Variants in ACAN observed in about 807,000 individuals in gnomAD.
ACAN encodes aggrecan core protein.
A neutral mutation model predicts 169.1 loss-of-function variants in ACAN; 47 were observed. The ratio of observed to expected loss-of-function variants is 0.28; its 90% CI spans 0.22 to 0.35. The LOEUF (loss-of-function observed/expected upper bound fraction) is 0.35. ACAN is among the 10% of genes least tolerant of loss of function. The pLI, the probability that ACAN is intolerant of heterozygous loss-of-function variation, is 1.00. For synonymous variants in ACAN, 1,115 were observed against 1,112.2 expected, an observed-to-expected ratio of 1.00 and a Z score of -0.05; for missense variants, 2,716 against 2,759.9, an observed-to-expected ratio of 0.98 and a Z score of 0.36.
chr15:88,874,186 A>C lies in ACAN; in HGVS notation c.7630+162A>C. On this transcript the variant is annotated intron_variant, in intron 18 of 18. Coordinates refer to ENST00000560601, the MANE Select transcript of ACAN (RefSeq NM_001369268.1). This position sits in a 1 kb window ranked among gnomAD's most constrained non-coding sequence, Gnocchi z 7.3. Reference sequence around the variant, plus strand: ...TCACAAATAGCTGACCACTGCCCTTAGAAGGGCCACGTACTTGTCCCAGGA... The same window carrying C: ...TCACAAATAGCTGACCACTGCCCTTCGAAGGGCCACGTACTTGTCCCAGGA... 1 of 1,081,790 alleles carries C rather than the reference A, an allele frequency of 9.2e-7. No individual in the cohort carries two copies. The highest frequency in any genetic ancestry group is 1.4e-6 in the Non-Finnish European group (1 of 733,634). The allele number at this position is 1,081,790 out of a possible 1,614,324, so 67.0% of individuals were successfully genotyped here. A position where few individuals can be genotyped will look rare whatever the true frequency, so the allele number is the denominator to read the frequency against.
intron 6 of ACAN, 129 bp from the exon 7 acceptor site, chr15:88,845,376 G>A: frequency 7.3e-7 from 1 of 1,369,636 alleles, no homozygotes; most frequent in Non-Finnish European, 9.7e-7. Flanking sequence ...AAGGTGCCTG[G>A]CACACAGTGG....
At position 88,851,372 on chromosome 15, in the gene ACAN, C is replaced by CTGGT; in HGVS notation, c.2027-422_2027-421insTGGT. Reference sequence around the variant, plus strand: ...TAGTTGAGAGCGTGGAGTCTGGTACCAGATGCTTAAATTCAAAGACTAGAT... The same window carrying CTGGT: ...TAGTTGAGAGCGTGGAGTCTGGTACCTGGTAGATGCTTAAATTCAAAGACTAGAT... On this transcript the variant is annotated intron_variant, in intron 10 of 18. Transcript: ENST00000560601. This position sits in a 1 kb window ranked among gnomAD's most constrained non-coding sequence, Gnocchi z 4.3. The CTGGT allele has an allele frequency of 6.1e-6, 1 of 162,668 alleles. No individual in the cohort carries two copies. Among genetic ancestry groups the CTGGT allele is most frequent in the Non-Finnish European group, 1.3e-5 (1 of 74,774 alleles). 10.1% of individuals were successfully genotyped at this position (162,668 alleles called of 1,614,324 possible).
At chr15:88,822,300 C>T (rs1046802604) in intron 1 of ACAN, among the ~76,000 whole-genome samples, 16 of 152,198 alleles carry the variant, frequency 1.1e-4, no homozygotes, top group Non-Finnish European at 1.9e-4. Flanking sequence ...GTCAAGGGCC[C>T]AACCTTTCTT....
intron 13 of ACAN, among the ~76,000 whole-genome samples, chr15:88,864,933 C>T (rs1897257462): frequency 6.6e-6 from 1 of 152,212 alleles, no homozygotes; most frequent in South Asian, 2.1e-4. Context: ...GCTCTTCGTT[C>T]AGCATTTTTT....
rs1188739281 is a variant in ACAN at position 88,851,898 on chromosome 15, G to A, written c.2131G>A (p.Ala711Thr). ...IVTQVVPGVA[A>T]VPVEEETTAV... is the part of the protein sequence containing the mutation. ...GACCCAAGTGGTTCCTGGTGTGGCTGCTGTCCCCGTAGAAGAGGAGACAAC... is the reference window on the plus strand; with the variant it reads ...GACCCAAGTGGTTCCTGGTGTGGCTACTGTCCCCGTAGAAGAGGAGACAAC... The change falls in exon 11 of 19, where the codon GCT becomes ACT. Residue 711 changes from alanine to threonine, a missense_variant. By Grantham distance (58) the Ala-to-Thr change is moderately conservative. This residue lies in a region of ACAN where 1,283 missense variants were observed against 1,281.5 expected (regional missense o/e 1.00). Transcript: ENST00000560601. The surrounding 1 kb of genome is among the most constrained non-coding windows in gnomAD (Gnocchi z 4.3). The A allele has an allele frequency of 6.2e-7, 1 of 1,612,374 alleles. No individual in the cohort carries two copies. The highest frequency in any genetic ancestry group is 8.5e-7 in the Non-Finnish European group (1 of 1,179,328).
At chr15:88,811,857 C>A (rs1414575260) in intron 1 of ACAN, among the ~76,000 whole-genome samples, 1 of 152,208 alleles carries the variant, frequency 6.6e-6, no homozygotes, top group African/African-American at 2.4e-5. Context: ...CTGCCCCATC[C>A]ATGGGCATCA....
At chr15:88,862,077 T>C (rs974791400) in intron 13 of ACAN, among the ~76,000 whole-genome samples, 1 of 152,202 alleles carries the variant, frequency 6.6e-6, no homozygotes, top group African/African-American at 2.4e-5. Flanking sequence ...TTTAACACAC[T>C]CGGCTAAATA....
chr15:88,830,501 A>G (rs779591107), intron 1 of ACAN, among the ~76,000 whole-genome samples: 3 of 152,170 alleles, frequency 2.0e-5, no homozygotes, highest in South Asian at 2.1e-4. Flanking sequence ...ACACACCCAT[A>G]CAGCATGTTA....
In ACAN at chr15:88,851,804, G is replaced by A. The variant is rs372553119; in HGVS notation, c.2037G>A (p.Ala679=). The A allele has an allele frequency of 3.5e-4, 560 of 1,595,386 alleles. 2 individuals carry two copies. The South Asian group carries it at 3.7e-3, about 11-fold the overall frequency. ...CCACATCTCCTTTAGGCATTTCAGC[G>A]GTTCCTTCTCCAGGAGAAGAAGAGG... ...HHAFCFRGIS[A]VPSPGEEEGG... Residue 679 remains alanine (A), a synonymous_variant, in exon 11 of 19, where the codon GCG becomes GCA. Transcript: ENST00000560601. This position sits in a 1 kb window ranked among gnomAD's most constrained non-coding sequence, Gnocchi z 4.3.
At chr15:88,808,169 G>T (rs1235763835) in intron 1 of ACAN, among the ~76,000 whole-genome samples, 1 of 152,192 alleles carries the variant, frequency 6.6e-6, no homozygotes, top group Non-Finnish European at 1.5e-5. Context: ...CTGGTCTCTG[G>T]CAGTCCCCAG....
In ACAN at chr15:88,803,629, G is replaced by C. The variant is rs993024266; in HGVS notation, c.-188G>C. 5 of 151,970 alleles carry C rather than the reference G, an allele frequency of 3.3e-5. No homozygotes were observed. The highest frequency in any genetic ancestry group is 1.2e-4 in the African/African-American group (5 of 41,346). The allele number at this position is 151,970 out of a possible 1,614,324, so 9.4% of individuals were successfully genotyped here. A position where few individuals can be genotyped will look rare whatever the true frequency, so the allele number is the denominator to read the frequency against. Reference sequence around the variant, plus strand: ...TCCGCAACCCAGCAGTTGCCGCTGCGGCCACAGCCCGAGGGGACCTGCGGA... The same window carrying C: ...TCCGCAACCCAGCAGTTGCCGCTGCCGCCACAGCCCGAGGGGACCTGCGGA... On this transcript the variant is annotated 5_prime_UTR_variant, in exon 1 of 19. Transcript: ENST00000560601.
At chr15:88,826,870 A>C (rs373104555) in intron 1 of ACAN, among the ~76,000 whole-genome samples, 2 of 152,286 alleles carry the variant, frequency 1.3e-5, no homozygotes, top group South Asian at 2.1e-4. Context: ...AAAGCTAATG[A>C]GCGTAAAGGG....
At chr15:88,828,961 G>C (rs779494478) in intron 1 of ACAN, among the ~76,000 whole-genome samples, 2 of 152,018 alleles carry the variant, frequency 1.3e-5, no homozygotes, top group Non-Finnish European at 2.9e-5. Flanking sequence ...CCCTTCACTG[G>C]GCCCCTCTGT....
In ACAN at chr15:88,857,225, G is replaced by T. The variant is rs1325634176; in HGVS notation, c.4640G>T (p.Gly1547Val). 1 of 1,613,706 alleles carries T rather than the reference G, an allele frequency of 6.2e-7. No homozygotes were observed. Among genetic ancestry groups the T allele is most frequent in the African/African-American group, 1.3e-5 (1 of 74,900 alleles). The change falls in exon 12 of 19, where the codon GGA becomes GTA. Residue 1547 changes from glycine (G) to valine (V), a missense_variant. Around this residue, in one of 3 missense-constraint regions of ACAN, gnomAD observed 1,389 missense variants for 1,363.7 expected, o/e 1.02. Transcript: ENST00000560601. ...GCCTCTGGATTTGGGGACCTCAGTG[G>T]ACTTCCTTCTGGAGGAGAAGGTCTA... ...ISASGFGDLS[G>V]LPSGGEGLET...
At position 88,839,161 on chromosome 15, in the gene ACAN, G is replaced by GC; in HGVS notation, c.454+117dup. 1.5e-6 allele frequency: 2 copies of GC among 1,361,398 alleles called. No individual in the cohort carries two copies. The highest frequency in any genetic ancestry group is 2.0e-6 in the Non-Finnish European group (2 of 999,918). The allele number at this position is 1,361,398 out of a possible 1,614,324, so 84.3% of individuals were successfully genotyped here. On this transcript the variant is annotated intron_variant, in intron 3 of 18. Coordinates refer to ENST00000560601, the MANE Select transcript of ACAN (RefSeq NM_001369268.1). This position sits in a 1 kb window ranked among gnomAD's most constrained non-coding sequence, Gnocchi z 4.5. Reference sequence around the variant, plus strand: ...CAAACCAGCTCCTCCACGCACCTCAGCCAAGTTACTTAACTTCAGCTGCTT... The same window carrying GC: ...CAAACCAGCTCCTCCACGCACCTCAGCCCAAGTTACTTAACTTCAGCTGCTT...
intron 1 of ACAN, among the ~76,000 whole-genome samples, chr15:88,816,908 C>T (rs1374943828): frequency 6.6e-6 from 1 of 152,162 alleles, no homozygotes; most frequent in Non-Finnish European, 1.5e-5. Flanking sequence ...ATCTGTTGAA[C>T]ACAGTAACAG....
At chr15:88,833,893 A>C (rs1416858837) in intron 1 of ACAN, among the ~76,000 whole-genome samples, 2 of 151,996 alleles carry the variant, frequency 1.3e-5, no homozygotes, top group African/African-American at 4.8e-5. Flanking sequence ...ACATACACAC[A>C]ACCTCCCAAT....
At chr15:88,860,481 T>C (rs1446541665) in intron 13 of ACAN, 42 bp downstream of exon 13, 1 of 1,553,928 alleles carries the variant, frequency 6.4e-7, no homozygotes, top group Non-Finnish European at 8.8e-7. Context: ...GCGGAGGCGC[T>C]GGACAGACTT....
chr15:88,862,209 C>G (rs547531606), intron 13 of ACAN, among the ~76,000 whole-genome samples: 1 of 152,294 alleles, frequency 6.6e-6, no homozygotes, highest in East Asian at 1.9e-4. Context: ...AGACTTGCAG[C>G]CCAGCCTTCA....
Sources: allele counts gnomAD v4.1 joint callset (sites outside exome capture counted in the v4.1 genomes callset), GRCh38; gene constraint gnomAD v4.1.1; regional missense constraint gnomAD v4.1.1; non-coding constraint Gnocchi (gnomAD v3.1); transcripts MANE v1.5; gene names NCBI Gene and HGNC (gene_info 2026-07-23, HGNC 2026-07-21).